The following FGF14 variants were observed in gnomAD, a reference collection of about 807,000 sequenced individuals.
FGF14 encodes fibroblast growth factor homologous factor 4.
In FGF14, 5 loss-of-function variants were observed where a neutral mutation model predicts 25.5. That is an observed-to-expected ratio of 0.20 (90% CI 0.10 to 0.41). FGF14 has a LOEUF of 0.41. Ranked by LOEUF, FGF14 falls within the 10% of genes least tolerant of loss-of-function variation. The pLI, the probability that FGF14 is intolerant of heterozygous loss-of-function variation, is 1.00. For synonymous variants in FGF14, 138 were observed against 118.3 expected (o/e 1.17, Z -1.08); for missense variants, 222 against 320.1 (o/e 0.69, Z 2.34).
rs1009260318 is a variant in FGF14, at chr13:101,906,469, G to A, written c.193+9984C>T. On this transcript the variant is annotated intron_variant, in intron 1 of 4. Transcript: ENST00000376143. ...AAAGAGATAAAATGAGGCATGTGGT[G>A]TAATAAAAAGACATTAAGCAATGAG... Among the ~76,000 whole-genome samples, 8 of 152,272 alleles carry A rather than the reference G, an allele frequency of 5.3e-5. 1 individual carries two copies. Among genetic ancestry groups the A allele is most frequent in the Admixed American group, 4.6e-4 (7 of 15,282 alleles).
At position 101,723,037 on chromosome 13, in the gene FGF14, A is replaced by T. The variant is rs1259252274; in HGVS notation, c.608-70T>A. ...TTAGGTGTGAGAATGGTCCATCCAT[A>T]CCTGCATAGACCACTGCAGTTTGCC... On this transcript the variant is annotated intron_variant, in intron 4 of 4. Coordinates refer to ENST00000376143, the MANE Select transcript of FGF14 (RefSeq NM_004115.4). 3.2e-6 allele frequency: 5 copies of T among 1,556,768 alleles called. No homozygotes were observed. In the East Asian group the frequency reaches 1.1e-4, roughly 35 times the overall value.
chr13:102,120,781 G>A (rs1220799755), intron 1 of FGF14, among the ~76,000 whole-genome samples: 3 of 149,416 alleles, frequency 2.0e-5, no homozygotes, highest in Non-Finnish European at 1.5e-5. Flanking sequence ...TCAGCTCACT[G>A]CAACCACCAC....
chr13:101,865,479 T>C (rs1386355686), intron 3 of FGF14, among the ~76,000 whole-genome samples: 1 of 152,104 alleles, frequency 6.6e-6, no homozygotes, highest in African/African-American at 2.4e-5. Context: ...AAATCTCTTG[T>C]AGCACAATAT....
At chr13:101,903,865 T>TTGTA (rs141644125) in intron 1 of FGF14, among the ~76,000 whole-genome samples, 3,213 of 152,214 alleles carry the variant, frequency 0.021, 95 homozygotes, top group East Asian at 0.14. Flanking sequence ...GTTTGCTTGT[T>TTGTA]TGTATGAGTG....
intron 1 of FGF14, among the ~76,000 whole-genome samples, chr13:101,999,314 T>C (rs537568456): frequency 1.3e-5 from 2 of 152,164 alleles, no homozygotes; most frequent in South Asian, 4.1e-4. Context: ...AATCTAGCAA[T>C]GTGTAGAGAC....
At chr13:101,975,117 C>T (rs1475931454) in intron 1 of FGF14, among the ~76,000 whole-genome samples, 1 of 152,126 alleles carries the variant, frequency 6.6e-6, no homozygotes, top group Non-Finnish European at 1.5e-5. Flanking sequence ...CATTCCATGA[C>T]GACTGACACC....
rs893935394 is a variant in FGF14 at position 102,033,087 on chromosome 13, C to A, written c.209-157791G>T. The stretch of plus-strand genomic sequence containing the variant: ...CTTGAAATAAGAAAATCCTTGAATA[C>A]CCTACCCATAAACTTTAAAAGTTGG... On this transcript the variant is annotated intron_variant, in intron 1 of 4. Coordinates refer to the FGF14 transcript ENST00000376131. Among the ~76,000 whole-genome samples, 7 of 152,152 alleles carry A rather than the reference C, an allele frequency of 4.6e-5. 1 individual carries two copies. The South Asian group carries it at 6.2e-4, about 14-fold the overall frequency.
At chr13:101,857,606 A>G (rs146972132) in intron 3 of FGF14, among the ~76,000 whole-genome samples, 23 of 152,184 alleles carry the variant, frequency 1.5e-4, no homozygotes, top group Admixed American at 1.4e-3. Context: ...ACAGAGCACA[A>G]TATGTCTTTC....
At chr13:102,247,985 A>G (rs573864319) in intron 1 of FGF14, among the ~76,000 whole-genome samples, 2 of 152,284 alleles carry the variant, frequency 1.3e-5, no homozygotes, top group East Asian at 3.9e-4. Flanking sequence ...AAACTAACAT[A>G]GGAATGGAAA....
At chr13:102,052,302 G>C (rs1355734683) in intron 1 of FGF14, among the ~76,000 whole-genome samples, 2 of 152,034 alleles carry the variant, frequency 1.3e-5, no homozygotes, top group Non-Finnish European at 2.9e-5. Context: ...GTTAAGAAAA[G>C]AGAGTGATAA....
At chr13:102,197,840 C>T (rs1386345105) in intron 1 of FGF14, among the ~76,000 whole-genome samples, 1 of 152,086 alleles carries the variant, frequency 6.6e-6, no homozygotes, top group Non-Finnish European at 1.5e-5. Context: ...GTCTCAGAAT[C>T]AAAACACAGA....
upstream of FGF14, among the ~76,000 whole-genome samples, chr13:101,917,739 G>A (rs1233215554): frequency 1.3e-5 from 2 of 152,114 alleles, no homozygotes; most frequent in Non-Finnish European, 2.9e-5. Context: ...TTGTCATTTT[G>A]AAAGGCTACA....
At chr13:102,347,116 G>A (rs939805806) in intron 1 of FGF14, among the ~76,000 whole-genome samples, 5 of 152,130 alleles carry the variant, frequency 3.3e-5, no homozygotes, top group African/African-American at 1.2e-4. Flanking sequence ...GCATGACCAT[G>A]GCCAGTTAAA....
At chr13:102,146,376 ATGTCATTAG>A (rs1249288164) in intron 1 of FGF14, among the ~76,000 whole-genome samples, 6 of 152,172 alleles carry the variant, frequency 3.9e-5, no homozygotes, top group Non-Finnish European at 8.8e-5. Flanking sequence ...TAGCATGACA[ATGTCATTAG>A]CTCATGGGTT....
At chr13:102,383,658 G>A (rs1043180289) in intron 1 of FGF14, among the ~76,000 whole-genome samples, 1 of 152,142 alleles carries the variant, frequency 6.6e-6, no homozygotes, top group African/African-American at 2.4e-5. Context: ...AGGGGAATGA[G>A]GATAGATCCG....
chr13:102,176,585 A>G (rs1451215812), intron 1 of FGF14, among the ~76,000 whole-genome samples: 3 of 152,172 alleles, frequency 2.0e-5, no homozygotes, highest in Non-Finnish European at 1.5e-5. Context: ...ATAACAAATA[A>G]TAATAGTAAT....
intron 1 of FGF14, among the ~76,000 whole-genome samples, chr13:102,058,230 G>A (rs757656248): frequency 1.1e-4 from 16 of 152,000 alleles, no homozygotes; most frequent in Middle Eastern, 3.4e-3. Flanking sequence ...GTCAAATACC[G>A]AAAAAAGGAT....
chr13:101,824,189 C>T (rs538795157), intron 3 of FGF14, among the ~76,000 whole-genome samples: 11 of 151,634 alleles, frequency 7.3e-5, no homozygotes, highest in African/African-American at 2.2e-4. Flanking sequence ...TTCTTTTTTT[C>T]TTCAGGATTC....
At chr13:102,091,505 G>T (rs2044163704) in intron 1 of FGF14, among the ~76,000 whole-genome samples, 1 of 152,170 alleles carries the variant, frequency 6.6e-6, no homozygotes, top group South Asian at 2.1e-4. Context: ...GCTGAATACA[G>T]TTTGCAATTT....
Sources: gnomAD v4.1 joint callset for allele counts (sites outside exome capture counted in the v4.1 genomes callset) on GRCh38, gnomAD v4.1.1 for gene constraint, MANE v1.5 for transcripts, NCBI Gene and HGNC (gene_info 2026-07-23, HGNC 2026-07-21) for gene names.